Variants in FASTKD2 observed in about 807,000 individuals in gnomAD.
The protein encoded by FASTKD2 is FAST kinase domains 2, also known as FAST kinase domain-containing protein 2, mitochondrial.
In FASTKD2, 51 loss-of-function variants were observed where a neutral mutation model predicts 63.6. The ratio of observed to expected loss-of-function variants is 0.80; its 90% CI spans 0.64 to 1.01. The LOEUF is 1.01. FASTKD2 is among the 50% of genes least tolerant of loss of function. The pLI, the probability that FASTKD2 is intolerant of heterozygous loss-of-function variation, is 0.00. For missense variants in FASTKD2, 786 were observed against 831.1 expected (o/e 0.95, Z 0.67); for synonymous variants, 284 against 293.4 (o/e 0.97, Z 0.33).
chr2:206,791,608 A>G, intron 11 of FASTKD2, 75 bp from the exon 12 acceptor site: 4 of 1,374,264 alleles, frequency 2.9e-6, no homozygotes, highest in East Asian at 2.3e-5. Context: ...TTACTTTACT[A>G]TGTTTGGATC....
rs111452747 is a variant in FASTKD2, at chr2:206,789,403, C to T, written c.1898+500C>T. 8.5e-3 allele frequency: 1,338 copies of T among 157,498 alleles called. 8 individuals carry two copies. The highest frequency in any genetic ancestry group is 0.015 in the Non-Finnish European group (1,039 of 71,616). 9.8% of individuals were successfully genotyped at this position (157,498 alleles called of 1,614,324 possible). On this transcript the variant is annotated intron_variant, in intron 10 of 11. Transcript: ENST00000402774. ...TCCTAAGTTGTTTCTTTGGCTCACA[C>T]ATTACAAATAGAGTGTCTCTGGGGA...
intron 4 of FASTKD2, among the ~76,000 whole-genome samples, chr2:206,771,521 A>C (rs1364042106): frequency 6.6e-6 from 1 of 151,920 alleles, no homozygotes; most frequent in Non-Finnish European, 1.5e-5. Flanking sequence ...TTTTGTTTAA[A>C]AATAAATGTT....
At chr2:206,773,435 G>T (rs953325472) in intron 6 of FASTKD2, among the ~76,000 whole-genome samples, 3 of 152,100 alleles carry the variant, frequency 2.0e-5, no homozygotes, top group Admixed American at 6.5e-5. Context: ...GATGTGACAG[G>T]CTTGGGGTTT....
rs1690294145 is a variant in FASTKD2 at position 206,791,796 on chromosome 2, A to G, written c.2127A>G (p.Thr709=). The G allele has an allele frequency of 6.2e-7, 1 of 1,612,668 alleles. No individual in the cohort carries two copies. Among genetic ancestry groups the G allele is most frequent in the Admixed American group, 1.7e-5 (1 of 60,006 alleles). Residue 709 remains threonine (T), a synonymous_variant, in exon 12 of 12, where the codon ACA becomes ACG. Transcript: ENST00000402774. ...TTGCTGCTGTAAATGTGCAAAGCACACAATAAAGTGAAAATCAACCTTTTC... is the reference window on the plus strand; with the variant it reads ...TTGCTGCTGTAAATGTGCAAAGCACGCAATAAAGTGAAAATCAACCTTTTC... ...LPVAAVNVQS[T]Q is the part of the protein sequence containing the mutation.
In FASTKD2 at chr2:206,771,940, A is replaced by G. The variant is rs1055559730; in HGVS notation, c.1037A>G (p.Gln346Arg). The G allele has an allele frequency of 6.2e-6, 10 of 1,611,542 alleles. No individual in the cohort carries two copies. The Admixed American group carries it at 1.2e-4, about 19-fold the overall frequency. The change falls in exon 5 of 12, where the codon CAA becomes CGA. Residue 346 changes from glutamine (Q) to arginine (R), a missense_variant. Gln to Arg is a conservative substitution (Grantham distance 43, BLOSUM62 1). Coordinates refer to ENST00000402774, the MANE Select transcript of FASTKD2 (RefSeq NM_001136193.2). Reference sequence around the variant, plus strand: ...GACAGATTTTCTGTTTTGAATAGCCAACACATGTTTGAAGTACTAGCTGCC... The same window carrying G: ...GACAGATTTTCTGTTTTGAATAGCCGACACATGTTTGAAGTACTAGCTGCC... ...ELDRFSVLNS[Q>R]HMFEVLAAMN...
At chr2:206,767,787 G>C (rs894044121) in intron 2 of FASTKD2, among the ~76,000 whole-genome samples, 4 of 152,178 alleles carry the variant, frequency 2.6e-5, no homozygotes, top group African/African-American at 9.7e-5. Context: ...AGAAGGGAAG[G>C]GGAAGGAAGA....
Position 206,766,891 on chromosome 2 carries a change from C to G in FASTKD2, c.198C>G (p.Asn66Lys). 2 of 1,598,576 alleles carry G rather than the reference C, an allele frequency of 1.3e-6. No individual in the cohort carries two copies. The highest frequency in any genetic ancestry group is 1.7e-6 in the Non-Finnish European group (2 of 1,172,092). Residue 66 changes from asparagine (N) to lysine (K), a missense_variant, in exon 2 of 12, where the codon AAC (asparagine) becomes AAG (lysine). Transcript: ENST00000402774. The stretch of plus-strand genomic sequence containing the variant: ...GGAACATTTTAAATAACTTTCATAA[C>G]AGAATGCAATCAACTGATATCATTA... ...SNWNILNNFHNRMQSTDIIRY... is the reference protein window; with the variant it reads ...SNWNILNNFHKRMQSTDIIRY...
At chr2:206,774,660 G>C (rs1244715509) in intron 7 of FASTKD2, among the ~76,000 whole-genome samples, 1 of 151,888 alleles carries the variant, frequency 6.6e-6, no homozygotes, top group African/African-American at 2.4e-5. Context: ...AACCCTCCCA[G>C]CTTATCCTCG....
intron 9 of FASTKD2, 60 bp downstream of exon 9, chr2:206,788,215 C>T: frequency 1.6e-6 from 2 of 1,226,092 alleles, no homozygotes; most frequent in East Asian, 2.5e-5. Context: ...TTTTTTCTGA[C>T]CAAAAAAATA....
intron 9 of FASTKD2, 85 bp from the exon 10 acceptor site, chr2:206,788,731 CAAA>C (rs5838043): frequency 3.6e-3 from 2,042 of 560,316 alleles, no homozygotes; most frequent in Non-Finnish European, 4.1e-3. Flanking sequence ...GACCACATCT[CAAA>C]AAAAAAAAAA....
At position 206,766,810 on chromosome 2, in the gene FASTKD2, A is replaced by G; in HGVS notation, c.117A>G (p.Arg39=). The G allele has an allele frequency of 1.9e-6, 3 of 1,613,060 alleles. No homozygotes were observed. Among genetic ancestry groups the G allele is most frequent in the Non-Finnish European group, 1.7e-6 (2 of 1,179,390 alleles). ...RQFSTLVSTS[R]TMRLCCLGLC... is the part of the protein sequence containing the mutation. ...TCAGTACATTAGTTTCAACAAGCAG[A>G]ACTATGAGGCTATGTTGTTTGGGAC... Residue 39 remains arginine, a synonymous_variant, in exon 2 of 12, where the codon AGA becomes AGG. Transcript: ENST00000402774.
At chr2:206,767,615 A>T (rs559667281) in intron 2 of FASTKD2, 145 bp downstream of exon 2, 1 of 715,060 alleles carries the variant, frequency 1.4e-6, no homozygotes, top group South Asian at 1.8e-5. Context: ...CATATATATT[A>T]TATGATTTAG....
intron 11 of FASTKD2, chr2:206,791,447 A>G: frequency 2.0e-6 from 1 of 497,220 alleles, no homozygotes. Context: ...TTCTCAAGAA[A>G]GCAGTTTTTG....
At position 206,765,608 on chromosome 2, in the gene FASTKD2, A is replaced by C. The variant is rs970608568; in HGVS notation, c.-190A>C. The C allele has an allele frequency of 8.4e-6, 8 of 954,352 alleles. No homozygotes were observed. In the East Asian group the frequency reaches 3.6e-4, roughly 43 times the overall value. The allele number at this position is 954,352 out of a possible 1,614,324, so 59.1% of individuals were successfully genotyped here. A position where few individuals can be genotyped will look rare whatever the true frequency, so the allele number is the denominator to read the frequency against. Reference sequence around the variant, plus strand: ...CGTGAGAAGCGCAGCTTCTCGGGGAAGCTGTCATGGCTGCTCCTGTACGTA... The same window carrying C: ...CGTGAGAAGCGCAGCTTCTCGGGGACGCTGTCATGGCTGCTCCTGTACGTA... On this transcript the variant is annotated 5_prime_UTR_variant, in exon 1 of 12. Coordinates refer to ENST00000402774, the MANE Select transcript of FASTKD2 (RefSeq NM_001136193.2).
chr2:206,784,591 C>A lies in FASTKD2; in HGVS notation c.1428-2142C>A, dbSNP rs1179078549. On this transcript the variant is annotated intron_variant, in intron 7 of 11. Transcript: ENST00000402774. ...TCTCTTCTTGATCTGTATTTACCAC[C>A]TTATGGATAATCCCACATTTGCATC... 2.6e-5 allele frequency among the ~76,000 whole-genome samples: 4 copies of A among 152,078 alleles called. 1 individual carries two copies. The highest frequency in any genetic ancestry group is 6.5e-5 in the Admixed American group (1 of 15,268).
At chr2:206,791,451 G>GT in intron 11 of FASTKD2, 1 of 510,338 alleles carries the variant, frequency 2.0e-6, no homozygotes, top group Non-Finnish European at 3.5e-6. Context: ...CAAGAAAGCA[G>GT]TTTTTGCACC....
intron 7 of FASTKD2, among the ~76,000 whole-genome samples, chr2:206,778,703 G>C (rs1289675920): frequency 1.3e-5 from 2 of 151,792 alleles, no homozygotes; most frequent in Non-Finnish European, 1.5e-5. Context: ...CCACGGACTG[G>C]TACCAGTCCG....
chr2:206,789,902 G>A (rs1221443467), intron 10 of FASTKD2: 2 of 152,228 alleles, frequency 1.3e-5, no homozygotes, highest in Non-Finnish European at 2.9e-5. Context: ...AAGAATGTGA[G>A]CATTCCTTTA....
chr2:206,771,073 G>T, intron 3 of FASTKD2, 109 bp from the exon 4 acceptor site: 1 of 696,410 alleles, frequency 1.4e-6, no homozygotes, highest in Non-Finnish European at 2.6e-6. Flanking sequence ...CATTTCTCTG[G>T]GCTTCATAAT....
Sources: allele counts gnomAD v4.1 joint callset (sites outside exome capture counted in the v4.1 genomes callset), GRCh38; gene constraint gnomAD v4.1.1; transcripts MANE v1.5; gene names NCBI Gene and HGNC (gene_info 2026-07-23, HGNC 2026-07-21).